Variants in COL8A1 observed in about 807,000 individuals in gnomAD.
COL8A1 encodes collagen alpha-1(VIII) chain.
COL8A1 carries 21 observed loss-of-function variants against 42.7 expected under a neutral mutation model. The observed-to-expected ratio is 0.49, with a 90% CI of 0.35 to 0.71. The LOEUF (loss-of-function observed/expected upper bound fraction) is 0.71. COL8A1 is among the 30% of genes least tolerant of loss of function. COL8A1 has a pLI of 0.01. For missense variants in COL8A1, 788 were observed against 962.4 expected (o/e 0.82, Z 2.40); for synonymous variants, 367 against 369.1 (o/e 0.99, Z 0.06).
intron 1 of COL8A1, among the ~76,000 whole-genome samples, chr3:99,727,004 A>T (rs577123266): frequency 5.5e-4 from 71 of 128,328 alleles, no homozygotes; most frequent in African/African-American, 1.9e-3. Context: ...TACCTTGGGC[A>T]GTATGGCCAT....
intron 2 of COL8A1, among the ~76,000 whole-genome samples, chr3:99,750,496 T>C (rs1280288647): frequency 6.6e-6 from 1 of 152,184 alleles, no homozygotes; most frequent in Non-Finnish European, 1.5e-5. Context: ...CATATATTGC[T>C]TTTATAATTG....
At chr3:99,780,020 A>C (rs1315853879) in intron 2 of COL8A1, among the ~76,000 whole-genome samples, 1 of 152,188 alleles carries the variant, frequency 6.6e-6, no homozygotes, top group Non-Finnish European at 1.5e-5. Context: ...CAGTGAAGCA[A>C]AGTGTCACGG....
At chr3:99,719,596 G>A (rs1284414555) in intron 1 of COL8A1, among the ~76,000 whole-genome samples, 1 of 152,074 alleles carries the variant, frequency 6.6e-6, no homozygotes, top group Non-Finnish European at 1.5e-5. Flanking sequence ...GAACTCAAGG[G>A]AACAGGTAAG....
At position 99,713,996 on chromosome 3, in the gene COL8A1, C is replaced by T. The variant is rs574617707; in HGVS notation, c.-128-30901C>T. Reference sequence around the variant, plus strand: ...GGAGAAAAAGACATTATGGTTGTATCTCCAGGTTAACACTTAAAAATCAAG... The same window carrying T: ...GGAGAAAAAGACATTATGGTTGTATTTCCAGGTTAACACTTAAAAATCAAG... On this transcript the variant is annotated intron_variant, in intron 1 of 3. Coordinates refer to ENST00000652472, the MANE Select transcript of COL8A1 (RefSeq NM_020351.4). Among the ~76,000 whole-genome samples the T allele has an allele frequency of 4.6e-5, 7 of 152,166 alleles. No homozygotes were observed. The East Asian group carries it at 1.4e-3, about 29-fold the overall frequency.
At chr3:99,769,016 T>C (rs1429562809) in intron 2 of COL8A1, among the ~76,000 whole-genome samples, 4 of 152,184 alleles carry the variant, frequency 2.6e-5, no homozygotes, top group Non-Finnish European at 4.4e-5. Flanking sequence ...TTTGTTGTTA[T>C]TTGGTTGCTT....
rs1576480070 is a variant in COL8A1, at chr3:99,794,489, A to G, written c.588A>G (p.Gln196=). 3.1e-6 allele frequency: 5 copies of G among 1,614,106 alleles called. No homozygotes were observed. Among genetic ancestry groups the G allele is most frequent in the Admixed American group, 1.7e-5 (1 of 60,022 alleles). ...GGCCTATGGGGATCCCAGGACCACA[A>G]GGACCTCCAGGGCCTCATGGACTTC... is the stretch of plus-strand genomic sequence containing the variant. ...EIGPMGIPGP[Q]GPPGPHGLPG... The change falls in exon 4 of 4, where the codon CAA becomes CAG. Residue 196 remains glutamine, a synonymous_variant. Coordinates refer to ENST00000652472, the MANE Select transcript of COL8A1 (RefSeq NM_020351.4). The surrounding 1 kb of genome is among the most constrained non-coding windows in gnomAD (Gnocchi z 4.3).
chr3:99,687,545 G>T (rs999162532), intron 1 of COL8A1, among the ~76,000 whole-genome samples: 2 of 152,166 alleles, frequency 1.3e-5, no homozygotes, highest in African/African-American at 4.8e-5. Context: ...AGCTGCGGAT[G>T]TGCACACCAG....
chr3:99,662,647 T>C (rs1423030371), intron 1 of COL8A1, among the ~76,000 whole-genome samples: 4 of 152,184 alleles, frequency 2.6e-5, no homozygotes. Context: ...ACTGGGTGAC[T>C]TGCAACAGTT....
intron 1 of COL8A1, among the ~76,000 whole-genome samples, chr3:99,659,434 C>T (rs1368022956): frequency 6.6e-6 from 1 of 152,168 alleles, no homozygotes. Flanking sequence ...ACAATATTCC[C>T]TTGTCCAGGA....
chr3:99,725,574 C>G (rs571661621), intron 1 of COL8A1, among the ~76,000 whole-genome samples: 1 of 105,784 alleles, frequency 9.5e-6, no homozygotes, highest in Non-Finnish European at 1.8e-5. Flanking sequence ...CCTCCCCCCA[C>G]CCTACAACAG....
intron 1 of COL8A1, among the ~76,000 whole-genome samples, chr3:99,741,999 T>C (rs1243718957): frequency 6.6e-6 from 1 of 152,264 alleles, no homozygotes; most frequent in African/African-American, 2.4e-5. Context: ...AACTGGTTTT[T>C]AAGTATTTAT....
chr3:99,715,096 T>A (rs115371743), intron 1 of COL8A1, among the ~76,000 whole-genome samples: 3,150 of 152,126 alleles, frequency 0.021, 46 homozygotes, highest in Non-Finnish European at 0.035. Context: ...ACGTCTAGCC[T>A]AAGGGAACTT....
At chr3:99,786,403 C>T (rs996514090) in intron 2 of COL8A1, among the ~76,000 whole-genome samples, 6 of 152,144 alleles carry the variant, frequency 3.9e-5, no homozygotes, top group African/African-American at 1.4e-4. Context: ...CTCCAGAGAG[C>T]TCCCTTGCCC....
chr3:99,759,686 T>A (rs926670231), intron 2 of COL8A1, among the ~76,000 whole-genome samples: 1 of 152,224 alleles, frequency 6.6e-6, no homozygotes, highest in African/African-American at 2.4e-5. Context: ...AAAAGCTGTA[T>A]CTACATGACA....
chr3:99,639,762 GA>G, intron 1 of COL8A1, among the ~76,000 whole-genome samples: 1 of 152,286 alleles, frequency 6.6e-6, no homozygotes, highest in Non-Finnish European at 1.5e-5. Flanking sequence ...TCAAGTGGGA[GA>G]AAAACCCTCT....
intron 1 of COL8A1, among the ~76,000 whole-genome samples, chr3:99,742,312 T>C (rs1576459242): frequency 1.3e-5 from 2 of 152,234 alleles, no homozygotes; most frequent in South Asian, 4.1e-4. Flanking sequence ...CAAATCTAAC[T>C]AAATAATTCT....
chr3:99,752,080 T>C (rs965345795), intron 2 of COL8A1, among the ~76,000 whole-genome samples: 6 of 152,152 alleles, frequency 3.9e-5, no homozygotes, highest in Non-Finnish European at 7.4e-5. Context: ...AATATACTCC[T>C]CATCCCCTGC....
intron 2 of COL8A1, among the ~76,000 whole-genome samples, chr3:99,776,268 A>G (rs1232025542): frequency 6.6e-6 from 1 of 152,182 alleles, no homozygotes. Context: ...CACAGGTAAA[A>G]GAGAAAAGGG....
chr3:99,742,022 ATCTTTTGGTT>A (rs1940912990), intron 1 of COL8A1, among the ~76,000 whole-genome samples: 1 of 152,156 alleles, frequency 6.6e-6, no homozygotes, highest in Admixed American at 6.5e-5. Flanking sequence ...ATGCTTATCT[ATCTTTTGGTT>A]TCTTTCATTG....
Sources: gnomAD v4.1 joint callset for allele counts (sites outside exome capture counted in the v4.1 genomes callset) on GRCh38, gnomAD v4.1.1 for gene constraint, Gnocchi (gnomAD v3.1) non-coding constraint, MANE v1.5 for transcripts, NCBI Gene and HGNC (gene_info 2026-07-23, HGNC 2026-07-21) for gene names.